Variants in PPARGC1A observed in about 807,000 individuals in gnomAD.
PPARGC1A encodes the protein peroxisome proliferator-activated receptor gamma coactivator 1-alpha.
PPARGC1A carries 25 observed loss-of-function variants against 88.7 expected under a neutral mutation model. That is an observed-to-expected ratio of 0.28 (90% CI 0.21 to 0.39). PPARGC1A has a LOEUF of 0.39. Ranked by LOEUF, PPARGC1A falls within the 10% of genes least tolerant of loss-of-function variation. The probability of loss-of-function intolerance (pLI) is 1.00; values close to 1 mark genes in which losing one functional copy is unlikely to be tolerated. For synonymous variants in PPARGC1A, 363 were observed against 355.6 expected, an observed-to-expected ratio of 1.02 and a Z score of -0.24; for missense variants, 880 against 968.7, an observed-to-expected ratio of 0.91 and a Z score of 1.22.
chr4:23,960,711 A>G, the PPARGC1A span, among the ~76,000 whole-genome samples: 6 of 152,164 alleles, frequency 3.9e-5, no homozygotes, highest in African/African-American at 1.4e-4. Context: ...TTTAACAAGC[A>G]AGTTCAATTA....
At chr4:23,994,925 T>C in the PPARGC1A span, among the ~76,000 whole-genome samples, 5 of 152,128 alleles carry the variant, frequency 3.3e-5, no homozygotes, top group Non-Finnish European at 7.4e-5. Context: ...ACTTCAAATG[T>C]TTACCAACTC....
chr4:24,001,775 C>T, the PPARGC1A span, among the ~76,000 whole-genome samples: 1 of 152,066 alleles, frequency 6.6e-6, no homozygotes, highest in Non-Finnish European at 1.5e-5. Flanking sequence ...TCAGAGAGAG[C>T]TAACTCCATG....
chr4:23,873,304 T>C (rs1220539597), intron 2 of PPARGC1A, among the ~76,000 whole-genome samples: 2 of 152,152 alleles, frequency 1.3e-5, no homozygotes, highest in African/African-American at 4.8e-5. Flanking sequence ...CCTGTAATAT[T>C]GCATAGTGCT....
chr4:24,092,235 C>T, the PPARGC1A span, among the ~76,000 whole-genome samples: 1 of 152,052 alleles, frequency 6.6e-6, no homozygotes, highest in Non-Finnish European at 1.5e-5. Context: ...TCAATCCCAC[C>T]GTAGGCCTCA....
At chr4:24,200,655 C>CAACAAAAAAAAAAA in the PPARGC1A span, among the ~76,000 whole-genome samples, 1 of 88,316 alleles carries the variant, frequency 1.1e-5, no homozygotes, top group Non-Finnish European at 2.2e-5. Context: ...ATTTATTAAG[C>CAACAAAAAAAAAAA]AAAAAAAAAA....
the PPARGC1A span, among the ~76,000 whole-genome samples, chr4:24,383,695 T>G: frequency 6.6e-6 from 1 of 152,052 alleles, no homozygotes; most frequent in African/African-American, 2.4e-5. Context: ...TGAAAAAGAA[T>G]GTACAAAGCC....
the PPARGC1A span, among the ~76,000 whole-genome samples, chr4:24,181,705 G>A: frequency 6.6e-6 from 1 of 152,100 alleles, no homozygotes; most frequent in Admixed American, 6.6e-5. Context: ...AAGACACCTT[G>A]ACAAAGAGAA....
the PPARGC1A span, among the ~76,000 whole-genome samples, chr4:24,097,308 T>G: frequency 6.6e-6 from 1 of 152,018 alleles, no homozygotes; most frequent in African/African-American, 2.4e-5. Context: ...TTGAGAAAAT[T>G]AAGTTCCGAG....
At chr4:24,411,867 G>A in the PPARGC1A span, among the ~76,000 whole-genome samples, 1 of 152,160 alleles carries the variant, frequency 6.6e-6, no homozygotes, top group African/African-American at 2.4e-5. Flanking sequence ...TTTTAGCACT[G>A]AATAATATTC....
chr4:24,094,467 C>T, the PPARGC1A span, among the ~76,000 whole-genome samples: 1 of 152,128 alleles, frequency 6.6e-6, no homozygotes, highest in East Asian at 1.9e-4. Context: ...TTGATTTTTC[C>T]TGTTCATAAG....
At chr4:24,128,538 G>GTGTGTGTGTGTGTGTC in the PPARGC1A span, among the ~76,000 whole-genome samples, 8 of 58,660 alleles carry the variant, frequency 1.4e-4, no homozygotes, top group African/African-American at 5.6e-4. Context: ...CACAGTGTGT[G>GTGTGTGTGTGTGTGTC]TGTGTGTGTG....
chr4:24,318,474 T>A, the PPARGC1A span, among the ~76,000 whole-genome samples: 1 of 152,244 alleles, frequency 6.6e-6, no homozygotes, highest in East Asian at 1.9e-4. Flanking sequence ...GTAAGTACTT[T>A]CACTCTGCTA....
At chr4:24,311,086 C>CTTT in the PPARGC1A span, among the ~76,000 whole-genome samples, 5 of 59,924 alleles carry the variant, frequency 8.3e-5, no homozygotes, top group African/African-American at 3.7e-4. Flanking sequence ...TATAATAATT[C>CTTT]TTTTTTTTTT....
intron 2 of PPARGC1A, among the ~76,000 whole-genome samples, chr4:23,844,786 A>ATAATATATGATATATATATTATT (rs1491110826): frequency 9.7e-5 from 2 of 20,682 alleles, no homozygotes; most frequent in Non-Finnish European, 1.6e-4. Context: ...TATATATTAT[A>ATAATATATGATATATATATTATT]ATAATATATG....
chr4:23,856,386 T>C (rs1730195749), intron 2 of PPARGC1A, among the ~76,000 whole-genome samples: 1 of 152,200 alleles, frequency 6.6e-6, no homozygotes, highest in African/African-American at 2.4e-5. Flanking sequence ...ACATACAAAA[T>C]GCCTTTGTTC....
the PPARGC1A span, among the ~76,000 whole-genome samples, chr4:23,976,356 A>C: frequency 3.1e-4 from 47 of 152,334 alleles, 2 homozygotes; most frequent in East Asian, 2.7e-3. Flanking sequence ...TGGGATATTA[A>C]AAGGAGGGTG....
the PPARGC1A span, among the ~76,000 whole-genome samples, chr4:24,105,997 A>G: frequency 6.6e-6 from 1 of 152,230 alleles, no homozygotes; most frequent in South Asian, 2.1e-4. Flanking sequence ...AACTCATTTC[A>G]GCAGCCTGAC....
chr4:24,341,889 G>A, the PPARGC1A span, among the ~76,000 whole-genome samples: 1 of 152,204 alleles, frequency 6.6e-6, no homozygotes, highest in Non-Finnish European at 1.5e-5. Context: ...GTACATGACT[G>A]TGGTCAATGT....
chr4:23,879,686 C>T (rs1715529406), intron 2 of PPARGC1A, among the ~76,000 whole-genome samples: 1 of 152,206 alleles, frequency 6.6e-6, no homozygotes, highest in South Asian at 2.1e-4. Flanking sequence ...GAATGCAGCA[C>T]TGCCTGCTGT....
Sources: allele counts gnomAD v4.1 joint callset (sites outside exome capture counted in the v4.1 genomes callset), GRCh38; gene constraint gnomAD v4.1.1; transcripts MANE v1.5; gene names NCBI Gene and HGNC (gene_info 2026-07-23, HGNC 2026-07-21).